Variants in PRKACB observed in about 807,000 individuals in gnomAD.
PRKACB encodes the protein cAMP-dependent protein kinase catalytic subunit beta.
PRKACB carries 16 observed loss-of-function variants against 51.4 expected under a neutral mutation model. The observed-to-expected ratio is 0.31, with a 90% CI of 0.21 to 0.47. The LOEUF (loss-of-function observed/expected upper bound fraction) is 0.47, where lower values mean the gene tolerates loss of function less well. PRKACB is among the 20% of genes least tolerant of loss of function. PRKACB has a pLI of 1.00. For synonymous variants in PRKACB, 147 were observed against 154.4 expected (o/e 0.95, Z 0.35); for missense variants, 309 against 464.5 (o/e 0.67, Z 3.08).
At chr1:84,203,430 A>G (rs1670700263) in intron 8 of PRKACB, among the ~76,000 whole-genome samples, 1 of 151,954 alleles carries the variant, frequency 6.6e-6, no homozygotes, top group African/African-American at 2.4e-5. Flanking sequence ...CTTCTTTTGC[A>G]CTTATAACCT....
intron 1 of PRKACB, among the ~76,000 whole-genome samples, chr1:84,136,497 C>A (rs1652829681): frequency 6.6e-6 from 1 of 151,488 alleles, no homozygotes; most frequent in South Asian, 2.1e-4. Flanking sequence ...AAACCACACA[C>A]ACACACACAC....
chr1:84,173,166 T>C (rs1035619846), intron 1 of PRKACB, among the ~76,000 whole-genome samples: 1 of 151,696 alleles, frequency 6.6e-6, no homozygotes, highest in African/African-American at 2.4e-5. Flanking sequence ...ATCCAAAGAA[T>C]TTCTTGTAAT....
At chr1:84,185,060 C>G in intron 4 of PRKACB, 40 bp from the exon 5 acceptor site, 1 of 1,228,796 alleles carries the variant, frequency 8.1e-7, no homozygotes, top group Non-Finnish European at 1.1e-6. Context: ...TAATTTTGAC[C>G]TAAGTTGAAT....
At chr1:84,228,618 C>T (rs1186423510) in intron 9 of PRKACB, among the ~76,000 whole-genome samples, 2 of 151,634 alleles carry the variant, frequency 1.3e-5, no homozygotes, top group East Asian at 3.9e-4. Context: ...AGACATTTTA[C>T]TTTTAGGATC....
In PRKACB at chr1:84,171,564, T is replaced by A. The variant is rs1241770058; in HGVS notation, c.188-7613T>A. On this transcript the variant is annotated intron_variant, in intron 1 of 9. Coordinates refer to ENST00000370685, the MANE Select transcript of PRKACB (RefSeq NM_182948.4). The stretch of plus-strand genomic sequence containing the variant: ...AAATACTCTTAAATGCATTTACTGA[T>A]TCTAGAATAGTTTTACAAGTCAAGT... Among the ~76,000 whole-genome samples, 4 of 151,596 alleles carry A rather than the reference T, an allele frequency of 2.6e-5. No individual in the cohort carries two copies. The South Asian group carries it at 6.2e-4, about 24-fold the overall frequency.
intron 9 of PRKACB, among the ~76,000 whole-genome samples, chr1:84,215,028 A>G (rs547080080): frequency 7.2e-5 from 11 of 152,232 alleles, no homozygotes; most frequent in Non-Finnish European, 1.5e-4. Flanking sequence ...ATAACATTAA[A>G]TTGCTAGTTT....
intron 9 of PRKACB, among the ~76,000 whole-genome samples, chr1:84,223,841 A>C (rs2101641698): frequency 6.6e-6 from 1 of 151,902 alleles, no homozygotes; most frequent in Non-Finnish European, 1.5e-5. Flanking sequence ...GTTTAATTGG[A>C]ATCTGTTGGT....
At chr1:84,084,805 T>G (rs1328935989) in intron 1 of PRKACB, among the ~76,000 whole-genome samples, 1 of 152,030 alleles carries the variant, frequency 6.6e-6, no homozygotes. Context: ...CATTGGGGGT[T>G]GGGGTGGGGA....
intron 3 of PRKACB, among the ~76,000 whole-genome samples, 166 bp downstream of exon 3, chr1:84,182,494 A>G (rs1039689024): frequency 9.9e-5 from 15 of 152,026 alleles, no homozygotes; most frequent in African/African-American, 4.8e-5. Flanking sequence ...TATTATACAT[A>G]GTTAGTATAC....
At chr1:84,137,046 T>A (rs1236548510) in intron 1 of PRKACB, among the ~76,000 whole-genome samples, 2 of 152,116 alleles carry the variant, frequency 1.3e-5, no homozygotes, top group Non-Finnish European at 2.9e-5. Context: ...GTGAAGAAGG[T>A]GCCTTGGTTC....
rs776407513 is a variant in PRKACB, at chr1:84,235,434, T to C, written c.*129T>C. ...CATTCCAACGACTGAGTGAGGTCTT[T>C]ATTGCCATCATCCCGTGTGCGCACT... On this transcript the variant is annotated 3_prime_UTR_variant, in exon 10 of 10. Transcript: ENST00000370685. 8.8e-6 allele frequency: 11 copies of C among 1,249,488 alleles called. No individual in the cohort carries two copies. Among genetic ancestry groups the C allele is most frequent in the Non-Finnish European group, 1.1e-5 (10 of 889,092 alleles). The allele number at this position is 1,249,488 out of a possible 1,614,324, so 77.4% of individuals were successfully genotyped here.
At chr1:84,078,850 A>T (rs1480566082) in intron 1 of PRKACB, among the ~76,000 whole-genome samples, 1 of 152,304 alleles carries the variant, frequency 6.6e-6, no homozygotes, top group Middle Eastern at 3.4e-3. Context: ...AAGTGAGGCT[A>T]ATCCTGAGTG....
At chr1:84,096,939 T>C (rs951084181) in intron 1 of PRKACB, among the ~76,000 whole-genome samples, 1 of 152,066 alleles carries the variant, frequency 6.6e-6, no homozygotes, top group Non-Finnish European at 1.5e-5. Flanking sequence ...ACTATTCTTA[T>C]TTCTGTCACC....
At chr1:84,137,939 C>A (rs965215045) in intron 1 of PRKACB, among the ~76,000 whole-genome samples, 1 of 152,068 alleles carries the variant, frequency 6.6e-6, no homozygotes, top group African/African-American at 2.4e-5. Flanking sequence ...CTTATAGACA[C>A]AGTTACATAT....
rs117750049 is a variant in PRKACB at position 84,214,095 on chromosome 1, A to G, written c.907-58A>G. ...TTGAAAAAAAAACTTTATGAAATCA[A>G]AACAGAAATATCATGAGTCTTAGAA... On this transcript the variant is annotated intron_variant, in intron 8 of 9. Transcript: ENST00000370685. 4.7e-5 allele frequency: 68 copies of G among 1,448,488 alleles called. No individual in the cohort carries two copies. In the East Asian group the frequency reaches 1.7e-3, roughly 36 times the overall value. The allele number at this position is 1,448,488 out of a possible 1,614,324, so 89.7% of individuals were successfully genotyped here. A position where few individuals can be genotyped will look rare whatever the true frequency, so the allele number is the denominator to read the frequency against.
At chr1:84,193,944 A>G (rs1667499727) in intron 5 of PRKACB, among the ~76,000 whole-genome samples, 2 of 152,216 alleles carry the variant, frequency 1.3e-5, no homozygotes, top group Non-Finnish European at 2.9e-5. Flanking sequence ...GATGATATCA[A>G]GTAATGAGCA....
At position 84,161,484 on chromosome 1, in the gene PRKACB, T is replaced by C. The variant is rs149316618; in HGVS notation, c.187+16936T>C. 5.9e-5 allele frequency among the ~76,000 whole-genome samples: 9 copies of C among 152,052 alleles called. No homozygotes were observed. In the East Asian group the frequency reaches 1.7e-3, roughly 29 times the overall value. ...ATGTCACTATTGATATGGTTGGATTTGTAGCTTCCATTTTACTGTTTTCTG... is the reference window on the plus strand; with the variant it reads ...ATGTCACTATTGATATGGTTGGATTCGTAGCTTCCATTTTACTGTTTTCTG... On this transcript the variant is annotated intron_variant, in intron 1 of 9. Coordinates refer to ENST00000370685, the MANE Select transcript of PRKACB (RefSeq NM_182948.4).
chr1:84,173,549 G>A (rs1400903851), intron 1 of PRKACB, among the ~76,000 whole-genome samples: 1 of 151,578 alleles, frequency 6.6e-6, no homozygotes, highest in Non-Finnish European at 1.5e-5. Flanking sequence ...GCTCTAAAGA[G>A]GTAGATATTT....
intron 7 of PRKACB, among the ~76,000 whole-genome samples, chr1:84,201,961 T>C (rs1670233011): frequency 6.6e-6 from 1 of 152,102 alleles, no homozygotes; most frequent in Admixed American, 6.6e-5. Flanking sequence ...TTACATTTGG[T>C]TTGCAAAGCA....
Sources: allele counts gnomAD v4.1 joint callset (sites outside exome capture counted in the v4.1 genomes callset), GRCh38; gene constraint gnomAD v4.1.1; transcripts MANE v1.5; gene names NCBI Gene and HGNC (gene_info 2026-07-23, HGNC 2026-07-21).